The following TMC1 variants were observed in gnomAD, a reference collection of about 807,000 sequenced individuals.
TMC1 encodes transmembrane channel-like protein 1.
TMC1 carries 84 observed loss-of-function variants against 105.8 expected under a neutral mutation model. The ratio of observed to expected loss-of-function variants is 0.79; its 90% confidence interval spans 0.67 to 0.95. The LOEUF (loss-of-function observed/expected upper bound fraction) is 0.95. TMC1 is among the 40% of genes least tolerant of loss of function. The probability of loss-of-function intolerance (pLI) is 0.00; values close to 1 mark genes in which losing one functional copy is unlikely to be tolerated. For missense variants in TMC1, 817 were observed against 914.1 expected, an observed-to-expected ratio of 0.89 and a Z score of 1.37; for synonymous variants, 315 against 311.5, an observed-to-expected ratio of 1.01 and a Z score of -0.12.
intron 8 of TMC1, among the ~76,000 whole-genome samples, chr9:72,738,831 A>G (rs1294590993): frequency 6.6e-6 from 1 of 152,090 alleles, no homozygotes; most frequent in African/African-American, 2.4e-5. Context: ...CCAACTGAGG[A>G]CAGCATTGCA....
chr9:72,615,016 A>G (rs1825103779), intron 2 of TMC1, among the ~76,000 whole-genome samples: 1 of 152,164 alleles, frequency 6.6e-6, no homozygotes, highest in Non-Finnish European at 1.5e-5. Flanking sequence ...AATCCTTGAA[A>G]TATCATTTTA....
At chr9:72,797,491 A>G (rs1828391452) in intron 17 of TMC1, among the ~76,000 whole-genome samples, 2 of 152,244 alleles carry the variant, frequency 1.3e-5, no homozygotes, top group South Asian at 4.1e-4. Flanking sequence ...ACAGTACTCA[A>G]AACAGCATGG....
Position 72,789,131 on chromosome 9 carries a change from C to T in TMC1, c.1038C>T (p.Ile346=), listed in dbSNP as rs899136247. Residue 346 remains isoleucine, a synonymous_variant, in exon 15 of 24, where the codon ATC becomes ATT. Coordinates refer to ENST00000297784, the MANE Select transcript of TMC1 (RefSeq NM_138691.3). ...NSITMNFKEA[I]TEEKAAQVEE... ...TGTTTTCATGGATACAGGAAGCTAT[C>T]ACAGAAGAAAAAGCAGCCCAAGTAG... 6.2e-7 allele frequency: 1 copy of T among 1,612,422 alleles called. No homozygotes were observed. Among genetic ancestry groups the T allele is most frequent in the African/African-American group, 1.3e-5 (1 of 74,976 alleles).
chr9:72,641,173 A>G (rs1825621616), intron 4 of TMC1, among the ~76,000 whole-genome samples: 1 of 152,152 alleles, frequency 6.6e-6, no homozygotes, highest in South Asian at 2.1e-4. Context: ...AGCTCACTGA[A>G]ACCTCCGCCT....
chr9:72,638,606 A>C (rs1219013267), intron 4 of TMC1, among the ~76,000 whole-genome samples: 1 of 152,228 alleles, frequency 6.6e-6, no homozygotes, highest in Non-Finnish European at 1.5e-5. Flanking sequence ...CATAGTGTTC[A>C]TTGCCTTGCT....
chr9:72,543,956 T>C (rs28408714), intron 1 of TMC1, among the ~76,000 whole-genome samples: 7 of 40,920 alleles, frequency 1.7e-4, no homozygotes, highest in African/African-American at 3.4e-4. Flanking sequence ...TTCTTTCTTT[T>C]TTTTTTTTTT....
At chr9:72,816,920 A>G (rs1828797091) in intron 19 of TMC1, among the ~76,000 whole-genome samples, 1 of 152,116 alleles carries the variant, frequency 6.6e-6, no homozygotes, top group Non-Finnish European at 1.5e-5. Flanking sequence ...TGTCTTGGAA[A>G]TCTGTCACTT....
At chr9:72,546,462 C>T (rs187568438) in intron 1 of TMC1, among the ~76,000 whole-genome samples, 1 of 152,288 alleles carries the variant, frequency 6.6e-6, no homozygotes, top group African/African-American at 2.4e-5. Flanking sequence ...GGGATTCAAA[C>T]ATTGTCCTTT....
chr9:72,736,999 G>GT (rs1162353772), intron 8 of TMC1, among the ~76,000 whole-genome samples: 1 of 152,118 alleles, frequency 6.6e-6, no homozygotes, highest in African/African-American at 2.4e-5. Context: ...AAGACCTAAC[G>GT]TTCCCTGTGG....
At chr9:72,663,057 A>G (rs1335807476) in intron 5 of TMC1, among the ~76,000 whole-genome samples, 1 of 152,240 alleles carries the variant, frequency 6.6e-6, no homozygotes, top group Non-Finnish European at 1.5e-5. Flanking sequence ...ATGGGACACT[A>G]GAGTTCTATT....
chr9:72,623,148 TTTTTTTTTTTTTTC>T (rs1390923847), intron 3 of TMC1, among the ~76,000 whole-genome samples: 891 of 56,028 alleles, frequency 0.016, 11 homozygotes, highest in African/African-American at 0.074. Flanking sequence ...TCTCTCCCTG[TTTTTTTTTTTTTTC>T]TTTTTTTTTT....
intron 1 of TMC1, among the ~76,000 whole-genome samples, chr9:72,566,206 TGGAGATG>T: frequency 6.6e-6 from 1 of 152,140 alleles, no homozygotes; most frequent in Non-Finnish European, 1.5e-5. Flanking sequence ...TTGTTTGTTG[TGGAGATG>T]GGAGATGGGA....
chr9:72,560,592 G>A (rs543187672), intron 1 of TMC1, among the ~76,000 whole-genome samples: 19 of 151,948 alleles, frequency 1.3e-4, no homozygotes, highest in African/African-American at 3.9e-4. Flanking sequence ...TCTGCCTCCC[G>A]GGTTCAAGTA....
intron 15 of TMC1, among the ~76,000 whole-genome samples, chr9:72,790,084 G>C (rs1828240604): frequency 6.6e-6 from 1 of 152,178 alleles, no homozygotes; most frequent in South Asian, 2.1e-4. Flanking sequence ...GTTGTTGCTA[G>C]AGTCTGTTCC....
At chr9:72,722,825 C>T (rs571166202) in intron 8 of TMC1, among the ~76,000 whole-genome samples, 1 of 152,250 alleles carries the variant, frequency 6.6e-6, no homozygotes, top group Admixed American at 6.5e-5. Flanking sequence ...TTGCCAATTT[C>T]CGTGGTGTAA....
At chr9:72,609,179 C>CCTTCCTT (rs1554715331) in intron 2 of TMC1, among the ~76,000 whole-genome samples, 4 of 136,058 alleles carry the variant, frequency 2.9e-5, no homozygotes, top group Admixed American at 7.6e-5. Context: ...CTTCCTCCTT[C>CCTTCCTT]CCTTCCTTCC....
chr9:72,759,575 G>T (rs1464826394), intron 12 of TMC1, among the ~76,000 whole-genome samples: 1 of 152,190 alleles, frequency 6.6e-6, no homozygotes, highest in Admixed American at 6.5e-5. Context: ...TGGATGGCAA[G>T]TGGAGAGGCT....
intron 5 of TMC1, among the ~76,000 whole-genome samples, chr9:72,684,060 G>A (rs1826337016): frequency 6.6e-6 from 1 of 151,782 alleles, no homozygotes. Context: ...GAGAAGCACA[G>A]CCCAGGGATA....
intron 2 of TMC1, among the ~76,000 whole-genome samples, chr9:72,597,001 A>G (rs1166073888): frequency 2.0e-5 from 3 of 152,170 alleles, no homozygotes; most frequent in Non-Finnish European, 4.4e-5. Flanking sequence ...ACCCTTGTAA[A>G]TATTTGCGGA....
Sources: gnomAD v4.1 joint callset for allele counts (sites outside exome capture counted in the v4.1 genomes callset) on GRCh38, gnomAD v4.1.1 for gene constraint, MANE v1.5 for transcripts, NCBI Gene and HGNC (gene_info 2026-07-23, HGNC 2026-07-21) for gene names.